TNIP3: variants seen among roughly 807,000 people sequenced by gnomAD.
The protein encoded by TNIP3 is TNFAIP3 interacting protein 3, also known as TNFAIP3-interacting protein 3.
In TNIP3, 34 loss-of-function variants were observed where a neutral mutation model predicts 54.1. That is an observed-to-expected ratio of 0.63 (90% CI 0.48 to 0.84). The LOEUF is 0.84. Among genes scored for constraint, TNIP3 ranks in the 40% least tolerant of loss-of-function variants. The pLI is 0.00. For synonymous variants in TNIP3, 134 were observed against 136.8 expected (o/e 0.98, Z 0.14); for missense variants, 366 against 387.6 (o/e 0.94, Z 0.47).
At chr4:121,216,016 C>T (rs1005747809) in intron 2 of TNIP3, among the ~76,000 whole-genome samples, 1 of 152,044 alleles carries the variant, frequency 6.6e-6, no homozygotes, top group Non-Finnish European at 1.5e-5. Context: ...ACTTCTCACC[C>T]TCCTTCAGGT....
chr4:121,204,728 T>C (rs1410534569), intron 2 of TNIP3, among the ~76,000 whole-genome samples: 3 of 152,194 alleles, frequency 2.0e-5, no homozygotes. Context: ...TTACCAACGT[T>C]AGATTGTTGG....
At chr4:121,216,126 A>G (rs1255455524) in intron 2 of TNIP3, among the ~76,000 whole-genome samples, 1 of 152,206 alleles carries the variant, frequency 6.6e-6, no homozygotes, top group Admixed American at 6.5e-5. Flanking sequence ...GTGCAATTAC[A>G]GAAAAACCAT....
intron 1 of TNIP3, among the ~76,000 whole-genome samples, chr4:121,223,474 A>G (rs755603125): frequency 3.9e-5 from 6 of 152,230 alleles, no homozygotes; most frequent in Non-Finnish European, 8.8e-5. Flanking sequence ...GATGGTTTTA[A>G]ATAATAACAC....
intron 2 of TNIP3, among the ~76,000 whole-genome samples, chr4:121,205,681 T>C (rs1244647313): frequency 6.6e-6 from 1 of 152,048 alleles, no homozygotes; most frequent in Non-Finnish European, 1.5e-5. Context: ...CTGGGCATAA[T>C]TTGAATTTAG....
At chr4:121,174,131 C>T (rs17051306) in intron 3 of TNIP3, among the ~76,000 whole-genome samples, 3,856 of 152,170 alleles carry the variant, frequency 0.025, 162 homozygotes, top group African/African-American at 0.087. Flanking sequence ...AGGGGTTGTC[C>T]AGATTAGCTT....
In TNIP3 at chr4:121,157,141, C is replaced by G; in HGVS notation, c.316G>C (p.Asp106His). 1.9e-6 allele frequency: 3 copies of G among 1,604,092 alleles called. No individual in the cohort carries two copies. In the East Asian group the frequency reaches 6.7e-5, roughly 36 times the overall value. ...CGGGTCAGGTCGCGCTGCCTGTCGT[C>G]CTCTCTCTGCCTGTCGTCCTTTCTC... ...RQRKDDRQRE[D>H]DRQRDLTRDR... The change falls in exon 4 of 11, where the codon GAC (aspartate) becomes CAC (histidine). Residue 106 changes from aspartate (D) to histidine (H), a missense_variant. Asp to His is a moderately conservative substitution (Grantham distance 81, BLOSUM62 -1). Coordinates refer to ENST00000057513, the MANE Select transcript of TNIP3 (RefSeq NM_024873.6).
At chr4:121,150,516 A>G (rs1489634780) in intron 5 of TNIP3, among the ~76,000 whole-genome samples, 1 of 152,164 alleles carries the variant, frequency 6.6e-6, no homozygotes, top group Non-Finnish European at 1.5e-5. Flanking sequence ...ATCTGTATCT[A>G]TAGACTTTCT....
chr4:121,169,719 C>T (rs555656300), intron 3 of TNIP3, among the ~76,000 whole-genome samples: 1 of 152,284 alleles, frequency 6.6e-6, no homozygotes, highest in South Asian at 2.1e-4. Flanking sequence ...TTTTTGGCTT[C>T]CAACTAGTAA....
upstream of TNIP3, among the ~76,000 whole-genome samples, chr4:121,216,906 C>T (rs984388144): frequency 3.3e-5 from 5 of 152,162 alleles, no homozygotes; most frequent in Non-Finnish European, 5.9e-5. Context: ...GACCCCAGGA[C>T]ACCAGCAGCT....
chr4:121,188,247 T>C (rs924427489), intron 2 of TNIP3, among the ~76,000 whole-genome samples: 1 of 152,048 alleles, frequency 6.6e-6, no homozygotes, highest in Non-Finnish European at 1.5e-5. Flanking sequence ...ATAGAAATGA[T>C]ATTAATATGA....
chr4:121,155,958 C>A (rs1434153457), intron 4 of TNIP3, among the ~76,000 whole-genome samples: 2 of 152,018 alleles, frequency 1.3e-5, no homozygotes, highest in African/African-American at 4.8e-5. Flanking sequence ...CAATTATTTT[C>A]TAATTTAGCA....
chr4:121,214,576 A>G (rs1726677419), intron 2 of TNIP3, among the ~76,000 whole-genome samples: 1 of 152,128 alleles, frequency 6.6e-6, no homozygotes, highest in Non-Finnish European at 1.5e-5. Flanking sequence ...CTTAGAAATA[A>G]TAGGTTTCTC....
intron 1 of TNIP3, among the ~76,000 whole-genome samples, chr4:121,224,303 C>T (rs1398707154): frequency 1.3e-5 from 2 of 151,508 alleles, no homozygotes; most frequent in Non-Finnish European, 2.9e-5. Flanking sequence ...GCAGAGGTTG[C>T]AGTGAGCAGA....
chr4:121,222,753 G>C (rs1727080245), intron 1 of TNIP3, among the ~76,000 whole-genome samples: 1 of 149,628 alleles, frequency 6.7e-6, no homozygotes, highest in Admixed American at 6.6e-5. Context: ...TTAATTGTTG[G>C]TTGTTCTGCT....
chr4:121,209,199 G>T (rs1726345619), intron 2 of TNIP3, among the ~76,000 whole-genome samples: 1 of 152,214 alleles, frequency 6.6e-6, no homozygotes, highest in Admixed American at 6.5e-5. Context: ...CTTTTCATCT[G>T]GCTGTTCCTG....
At chr4:121,148,930 C>T (rs1188274783) in intron 6 of TNIP3, among the ~76,000 whole-genome samples, 1 of 152,184 alleles carries the variant, frequency 6.6e-6, no homozygotes, top group Admixed American at 6.5e-5. Flanking sequence ...ACCCTGTCTC[C>T]CATTGCTAAT....
chr4:121,218,679 C>T (rs1726906365), upstream of TNIP3, among the ~76,000 whole-genome samples: 1 of 151,908 alleles, frequency 6.6e-6, no homozygotes, highest in African/African-American at 2.4e-5. Flanking sequence ...CTATATTACC[C>T]AAGCTAGAGT....
chr4:121,222,858 T>C (rs566886964), intron 1 of TNIP3, among the ~76,000 whole-genome samples: 1 of 133,236 alleles, frequency 7.5e-6, no homozygotes, highest in Non-Finnish European at 1.5e-5. Context: ...CAGGCTAGAG[T>C]GCAGTGGCGC....
chr4:121,143,525 G>T (rs1729249151), intron 7 of TNIP3, among the ~76,000 whole-genome samples: 1 of 152,118 alleles, frequency 6.6e-6, no homozygotes, highest in African/African-American at 2.4e-5. Flanking sequence ...ATGTAGTGTT[G>T]TATATTTACT....
Sources: gnomAD v4.1 joint callset for allele counts (sites outside exome capture counted in the v4.1 genomes callset) on GRCh38, gnomAD v4.1.1 for gene constraint, MANE v1.5 for transcripts, NCBI Gene and HGNC (gene_info 2026-07-23, HGNC 2026-07-21) for gene names.